JAZF1: variants seen among roughly 807,000 people sequenced by gnomAD.
JAZF1 encodes juxtaposed with another zinc finger protein 1.
A neutral mutation model predicts 26.4 loss-of-function variants in JAZF1; 8 were observed. The ratio of observed to expected loss-of-function variants is 0.30; its 90% CI spans 0.18 to 0.55. JAZF1 has a LOEUF of 0.55. JAZF1 is among the 20% of genes least tolerant of loss of function. The pLI is 0.94. For synonymous variants in JAZF1, 126 were observed against 122.3 expected (o/e 1.03, Z -0.20); for missense variants, 199 against 322.0 (o/e 0.62, Z 2.92).
In JAZF1 at chr7:28,060,154, A is replaced by G. The variant is rs114538441; in HGVS notation, c.116-68173T>C. On this transcript the variant is annotated intron_variant, in intron 1 of 4. Coordinates refer to ENST00000283928, the MANE Select transcript of JAZF1 (RefSeq NM_175061.4). ...TATCAAGCTTTTAATTTAAATTTCT[A>G]TATTTTAGTTAATAAGTTGTATCTG... 5.9e-3 allele frequency among the ~76,000 whole-genome samples: 900 copies of G among 152,194 alleles called. 10 individuals are homozygous for G. Among genetic ancestry groups the G allele is most frequent in the African/African-American group, 0.02 (846 of 41,538 alleles).
intron 1 of JAZF1, among the ~76,000 whole-genome samples, chr7:28,001,830 T>C (rs897459800): frequency 1.2e-4 from 19 of 152,102 alleles, no homozygotes; most frequent in African/African-American, 4.6e-4. Context: ...GGCGGGAAAC[T>C]GGGATGTAGA....
chr7:27,912,998 C>T (rs192952086), intron 2 of JAZF1, among the ~76,000 whole-genome samples: 3 of 152,180 alleles, frequency 2.0e-5, no homozygotes, highest in South Asian at 4.2e-4. Context: ...GTGTCCGTAT[C>T]GCTCCCTCGG....
chr7:27,901,841 G>A (rs527911592), intron 2 of JAZF1, among the ~76,000 whole-genome samples: 29 of 152,192 alleles, frequency 1.9e-4, no homozygotes, highest in Non-Finnish European at 2.9e-4. Flanking sequence ...ATACATCACT[G>A]CTAGGGTCCT....
intron 2 of JAZF1, among the ~76,000 whole-genome samples, chr7:27,963,770 A>G (rs956526825): frequency 6.6e-6 from 1 of 151,878 alleles, no homozygotes; most frequent in Non-Finnish European, 1.5e-5. Flanking sequence ...GTCTTGCTAC[A>G]TTGCCCAGGC....
chr7:28,103,757 G>A (rs1449399025), intron 1 of JAZF1, among the ~76,000 whole-genome samples: 1 of 152,076 alleles, frequency 6.6e-6, no homozygotes, highest in African/African-American at 2.4e-5. Context: ...ACCTGGACCA[G>A]GACCACTGGT....
chr7:28,174,182 T>C (rs985110233), intron 1 of JAZF1, among the ~76,000 whole-genome samples: 2 of 152,110 alleles, frequency 1.3e-5, no homozygotes, highest in Admixed American at 1.3e-4. Context: ...ACAGGACACG[T>C]CTGTACTGTC....
intron 1 of JAZF1, among the ~76,000 whole-genome samples, chr7:28,102,800 T>C (rs1026578623): frequency 6.6e-6 from 1 of 152,148 alleles, no homozygotes; most frequent in Non-Finnish European, 1.5e-5. Context: ...TCATACATAC[T>C]GAAAAACAAA....
At chr7:27,909,040 C>T (rs1250042205) in intron 2 of JAZF1, among the ~76,000 whole-genome samples, 1 of 128,938 alleles carries the variant, frequency 7.8e-6, no homozygotes, top group African/African-American at 3.0e-5. Context: ...GGCAGAATCT[C>T]GCTGTGCTGT....
intron 1 of JAZF1, among the ~76,000 whole-genome samples, chr7:28,088,870 T>A (rs1784249469): frequency 6.6e-6 from 1 of 152,250 alleles, no homozygotes; most frequent in Non-Finnish European, 1.5e-5. Context: ...CTTAAACTAA[T>A]AATGGGCTTG....
chr7:27,894,848 A>C (rs1784031829), intron 3 of JAZF1, among the ~76,000 whole-genome samples: 1 of 152,212 alleles, frequency 6.6e-6, no homozygotes, highest in South Asian at 2.1e-4. Context: ...TTTTCTCTAA[A>C]GGATACAATT....
chr7:28,101,688 G>A (rs1251525428), intron 1 of JAZF1, among the ~76,000 whole-genome samples: 2 of 151,854 alleles, frequency 1.3e-5, no homozygotes, highest in Non-Finnish European at 2.9e-5. Context: ...AGGCTGCAGT[G>A]AGCTGTGATC....
At chr7:28,167,158 A>G (rs1360132793) in intron 1 of JAZF1, among the ~76,000 whole-genome samples, 1 of 152,202 alleles carries the variant, frequency 6.6e-6, no homozygotes, top group Non-Finnish European at 1.5e-5. Context: ...ATTGCACAGA[A>G]GCTGAGGGCT....
intron 1 of JAZF1, among the ~76,000 whole-genome samples, chr7:28,058,831 T>C (rs1440416111): frequency 6.6e-6 from 1 of 152,236 alleles, no homozygotes; most frequent in African/African-American, 2.4e-5. Flanking sequence ...ATATTTTCAT[T>C]GCAGTCAATT....
chr7:27,917,971 A>C (rs751783298), intron 2 of JAZF1, among the ~76,000 whole-genome samples: 2 of 152,194 alleles, frequency 1.3e-5, no homozygotes, highest in Non-Finnish European at 2.9e-5. Flanking sequence ...ACATACGGGC[A>C]GATGACTTGA....
chr7:27,928,968 C>T (rs1784640849), intron 2 of JAZF1, among the ~76,000 whole-genome samples: 2 of 152,110 alleles, frequency 1.3e-5, no homozygotes, highest in Non-Finnish European at 2.9e-5. Flanking sequence ...AAACAGAGGA[C>T]ATGGCAGTTG....
At chr7:28,058,845 TC>T (rs2128382037) in intron 1 of JAZF1, among the ~76,000 whole-genome samples, 2 of 152,346 alleles carry the variant, frequency 1.3e-5, no homozygotes, top group East Asian at 3.9e-4. Context: ...GTCAATTTTC[TC>T]AAGTATTTTA....
intron 2 of JAZF1, among the ~76,000 whole-genome samples, chr7:27,983,909 T>C (rs1785640592): frequency 6.6e-6 from 1 of 152,208 alleles, no homozygotes; most frequent in Non-Finnish European, 1.5e-5. Context: ...CTGAGAGATT[T>C]TGTCACCACC....
At chr7:27,897,342 G>A (rs62451114) in intron 2 of JAZF1, among the ~76,000 whole-genome samples, 15,324 of 152,198 alleles carry the variant, frequency 0.1, 1,089 homozygotes, top group East Asian at 0.34. Flanking sequence ...GAGTCAGGCC[G>A]GGGTTCAAAT....
chr7:28,153,915 C>A (rs1278769186), intron 1 of JAZF1, among the ~76,000 whole-genome samples: 1 of 152,118 alleles, frequency 6.6e-6, no homozygotes, highest in Non-Finnish European at 1.5e-5. Flanking sequence ...CTCCACCTAC[C>A]TGCCCCTCTA....
Sources: gnomAD v4.1 joint callset for allele counts (sites outside exome capture counted in the v4.1 genomes callset) on GRCh38, gnomAD v4.1.1 for gene constraint, MANE v1.5 for transcripts, NCBI Gene and HGNC (gene_info 2026-07-23, HGNC 2026-07-21) for gene names.